SCHIP1: variants seen among roughly 807,000 people sequenced by gnomAD.
The protein encoded by SCHIP1 is schwannomin interacting protein 1, also known as schwannomin-interacting protein 1.
In SCHIP1, 8 loss-of-function variants were observed where a neutral mutation model predicts 29.7. The ratio of observed to expected loss-of-function variants is 0.27; its 90% CI spans 0.16 to 0.49. The LOEUF is 0.49. Among genes scored for constraint, SCHIP1 ranks in the 20% least tolerant of loss-of-function variants. The pLI is 0.99. For missense variants in SCHIP1, 193 were observed against 294.6 expected (o/e 0.66, Z 2.52); for synonymous variants, 76 against 94.9 (o/e 0.80, Z 1.16).
the SCHIP1 span, among the ~76,000 whole-genome samples, chr3:159,380,673 C>T: frequency 6.6e-6 from 1 of 152,050 alleles, no homozygotes; most frequent in African/African-American, 2.4e-5. Context: ...GCTTTATATA[C>T]ATTGTTTAAA....
the SCHIP1 span, among the ~76,000 whole-genome samples, chr3:159,458,960 C>A: frequency 6.6e-6 from 1 of 152,144 alleles, no homozygotes; most frequent in Non-Finnish European, 1.5e-5. Context: ...CATGCATCTT[C>A]ATGTGGACTT....
At chr3:159,782,032 G>C in the SCHIP1 span, among the ~76,000 whole-genome samples, 1 of 152,166 alleles carries the variant, frequency 6.6e-6, no homozygotes, top group Non-Finnish European at 1.5e-5. Context: ...GCATGACTTG[G>C]GAGCCCTTGC....
chr3:159,634,807 C>T, the SCHIP1 span, among the ~76,000 whole-genome samples: 1 of 152,182 alleles, frequency 6.6e-6, no homozygotes, highest in Non-Finnish European at 1.5e-5. Context: ...GTTTTCCCCC[C>T]CTTTTCCTTT....
chr3:159,388,496 T>TTA, the SCHIP1 span, among the ~76,000 whole-genome samples: 1 of 152,118 alleles, frequency 6.6e-6, no homozygotes, highest in African/African-American at 2.4e-5. Flanking sequence ...TCAATTTTCC[T>TTA]TATATATATT....
At chr3:159,359,027 A>G in the SCHIP1 span, among the ~76,000 whole-genome samples, 1 of 144,704 alleles carries the variant, frequency 6.9e-6, no homozygotes, top group South Asian at 2.1e-4. Context: ...TCCCTGGTTC[A>G]AGCGATTCCC....
the SCHIP1 span, among the ~76,000 whole-genome samples, chr3:159,720,287 T>C: frequency 8.6e-5 from 13 of 151,760 alleles, no homozygotes; most frequent in Admixed American, 7.9e-4. Context: ...CTAATGTAAA[T>C]GACAAGTTAA....
the SCHIP1 span, among the ~76,000 whole-genome samples, chr3:159,605,489 G>A: frequency 3.0e-4 from 46 of 152,238 alleles, no homozygotes; most frequent in South Asian, 8.9e-3. Context: ...CACCTTCTAC[G>A]ATAGGAAACT....
intron 1 of SCHIP1, chr3:159,853,443 G>A (rs998396251): frequency 4.3e-6 from 3 of 696,828 alleles, no homozygotes; most frequent in Non-Finnish European, 5.2e-6. Context: ...GGATATGGAG[G>A]GGAATTATAA....
chr3:159,556,147 G>A, the SCHIP1 span, among the ~76,000 whole-genome samples: 3 of 152,114 alleles, frequency 2.0e-5, no homozygotes, highest in African/African-American at 7.2e-5. Context: ...CATTTATGCA[G>A]CCAAAAAACA....
the SCHIP1 span, among the ~76,000 whole-genome samples, chr3:159,437,832 C>G: frequency 6.6e-6 from 1 of 152,090 alleles, no homozygotes; most frequent in South Asian, 2.1e-4. Context: ...ATCATGGAAT[C>G]TTTGAGAAAG....
At chr3:159,721,716 T>A in the SCHIP1 span, 11 of 405,342 alleles carry the variant, frequency 2.7e-5, no homozygotes, top group African/African-American at 2.3e-4. Flanking sequence ...TTGTGCAGCA[T>A]ATATTCACAG....
chr3:159,764,940 G>T, the SCHIP1 span: 1 of 1,494,396 alleles, frequency 6.7e-7, no homozygotes, highest in Non-Finnish European at 8.9e-7. This position sits in a 1 kb window ranked among gnomAD's most constrained non-coding sequence, Gnocchi z 6.1. Context: ...AGCCCCAGCC[G>T]GCTGGGGGCC....
At chr3:159,295,456 T>A in the SCHIP1 span, among the ~76,000 whole-genome samples, 1 of 151,738 alleles carries the variant, frequency 6.6e-6, no homozygotes, top group Non-Finnish European at 1.5e-5. Flanking sequence ...AATCAATCAA[T>A]CAATAATAAG....
At chr3:159,332,953 T>G in the SCHIP1 span, among the ~76,000 whole-genome samples, 1 of 152,214 alleles carries the variant, frequency 6.6e-6, no homozygotes, top group African/African-American at 2.4e-5. Context: ...TAGTCCATGC[T>G]GGACAGCCTG....
intron 5 of SCHIP1, among the ~76,000 whole-genome samples, chr3:159,889,224 C>T (rs1717251013): frequency 6.6e-6 from 1 of 152,174 alleles, no homozygotes; most frequent in Admixed American, 6.5e-5. Context: ...CTTACAACAC[C>T]TGTTTCTGGA....
the SCHIP1 span, among the ~76,000 whole-genome samples, chr3:159,541,480 A>C: frequency 6.6e-6 from 1 of 152,040 alleles, no homozygotes; most frequent in South Asian, 2.1e-4. Context: ...GCAGTTACTT[A>C]AATAAGATTT....
the SCHIP1 span, among the ~76,000 whole-genome samples, chr3:159,527,904 C>A: frequency 1.3e-5 from 2 of 151,996 alleles, no homozygotes; most frequent in South Asian, 2.1e-4. Context: ...TTGCCAAAGG[C>A]TTGAATTAAA....
At chr3:159,617,321 C>T in the SCHIP1 span, among the ~76,000 whole-genome samples, 1 of 152,138 alleles carries the variant, frequency 6.6e-6, no homozygotes, top group Non-Finnish European at 1.5e-5. Flanking sequence ...CTTTCCCTGC[C>T]TCCCTGTCTC....
chr3:159,677,059 G>A, the SCHIP1 span, among the ~76,000 whole-genome samples: 1 of 152,086 alleles, frequency 6.6e-6, no homozygotes, highest in Non-Finnish European at 1.5e-5. Flanking sequence ...CCATCCTAAA[G>A]CCACATTCTC....
Sources: gnomAD v4.1 joint callset for allele counts (sites outside exome capture counted in the v4.1 genomes callset) on GRCh38, gnomAD v4.1.1 for gene constraint, Gnocchi (gnomAD v3.1) non-coding constraint, MANE v1.5 for transcripts, NCBI Gene and HGNC (gene_info 2026-07-23, HGNC 2026-07-21) for gene names.